Variants in RIT2 observed in about 807,000 individuals in gnomAD.
RIT2 encodes the protein Ras like without CAAX 2.
RIT2 carries 24 observed loss-of-function variants against 23.7 expected under a neutral mutation model. The ratio of observed to expected loss-of-function variants is 1.01; its 90% CI spans 0.73 to 1.43. RIT2 has a LOEUF of 1.43. Ranked by LOEUF, RIT2 falls within the 40% of genes most tolerant of loss-of-function variation. The pLI, the probability that RIT2 is intolerant of heterozygous loss-of-function variation, is 0.00. For missense variants in RIT2, 236 were observed against 266.9 expected (o/e 0.88, Z 0.81); for synonymous variants, 107 against 91.1 (o/e 1.17, Z -0.99).
intron 1 of RIT2, among the ~76,000 whole-genome samples, chr18:43,101,334 C>G (rs8096041): frequency 0.049 from 7,451 of 152,046 alleles, 224 homozygotes; most frequent in South Asian, 0.13. Flanking sequence ...CCTATCTCTT[C>G]GTTAGCAGTG....
intron 2 of RIT2, among the ~76,000 whole-genome samples, chr18:42,997,084 A>T (rs1911001893): frequency 6.6e-6 from 1 of 152,100 alleles, no homozygotes. Context: ...TGTTTCAGAG[A>T]TATGCACCAG....
intron 4 of RIT2, among the ~76,000 whole-genome samples, chr18:42,834,922 T>C (rs1906555960): frequency 6.6e-6 from 1 of 152,116 alleles, no homozygotes; most frequent in African/African-American, 2.4e-5. Flanking sequence ...GACATGATTG[T>C]TAAACAATGC....
At position 43,018,071 on chromosome 18, in the gene RIT2, C is replaced by A. The variant is rs201502588; in HGVS notation, c.160+15740G>T. Among the ~76,000 whole-genome samples, 7 of 151,998 alleles carry A rather than the reference C, an allele frequency of 4.6e-5. No homozygotes were observed. The East Asian group carries it at 9.7e-4, about 21-fold the overall frequency. On this transcript the variant is annotated intron_variant, in intron 2 of 4. Coordinates refer to ENST00000326695, the MANE Select transcript of RIT2 (RefSeq NM_002930.4). The stretch of plus-strand genomic sequence containing the variant: ...ACATAAAGAGTTAGTAAGGGGGTGC[C>A]CTAGTAAGTTGGGCTCAAGGTCAAA...
At chr18:42,846,688 AAAC>A (rs753966452) in intron 4 of RIT2, among the ~76,000 whole-genome samples, 48 of 152,148 alleles carry the variant, frequency 3.2e-4, no homozygotes, top group Non-Finnish European at 6.6e-4. Flanking sequence ...AAGAAAAAGT[AAAC>A]AATTATATCA....
chr18:43,047,697 T>C (rs1227353375), intron 1 of RIT2, among the ~76,000 whole-genome samples: 2 of 152,098 alleles, frequency 1.3e-5, no homozygotes, highest in African/African-American at 2.4e-5. Context: ...GAAGTTTCTT[T>C]GAAAAGGTTT....
At chr18:42,747,148 A>G (rs1016989313) in intron 4 of RIT2, among the ~76,000 whole-genome samples, 1 of 152,058 alleles carries the variant, frequency 6.6e-6, no homozygotes, top group Middle Eastern at 3.2e-3. Flanking sequence ...TATACCTAGA[A>G]AACCCTAAAG....
chr18:43,089,336 A>G (rs192435338), intron 1 of RIT2, among the ~76,000 whole-genome samples: 2 of 152,222 alleles, frequency 1.3e-5, no homozygotes, highest in African/African-American at 4.8e-5. Context: ...TTGCCATAAA[A>G]AAGAATAAAA....
intron 1 of RIT2, among the ~76,000 whole-genome samples, chr18:43,108,661 G>A (rs1317785224): frequency 6.6e-6 from 1 of 152,150 alleles, no homozygotes; most frequent in African/African-American, 2.4e-5. Context: ...TATAATCTTG[G>A]AGATGTTGTC....
chr18:42,895,897 TG>T (rs1297681468), intron 4 of RIT2, among the ~76,000 whole-genome samples: 2 of 152,186 alleles, frequency 1.3e-5, no homozygotes, highest in Admixed American at 1.3e-4. Context: ...CTGATAACAG[TG>T]GTTTTCTCTG....
chr18:42,835,208 T>G (rs1598674592), intron 4 of RIT2, among the ~76,000 whole-genome samples: 1 of 152,296 alleles, frequency 6.6e-6, no homozygotes, highest in East Asian at 1.9e-4. Flanking sequence ...TCAGGATTTT[T>G]GCTAAATGTG....
At chr18:42,915,621 G>A (rs977291354) in intron 4 of RIT2, among the ~76,000 whole-genome samples, 5 of 151,976 alleles carry the variant, frequency 3.3e-5, no homozygotes, top group Admixed American at 2.0e-4. Flanking sequence ...CAGTTACAAT[G>A]TCAGTTCAAT....
At chr18:42,890,853 A>T (rs974066668) in intron 4 of RIT2, among the ~76,000 whole-genome samples, 17 of 152,148 alleles carry the variant, frequency 1.1e-4, no homozygotes, top group Non-Finnish European at 2.1e-4. Context: ...ACACAGAGCT[A>T]TATTAGGGAA....
chr18:42,923,716 G>A lies in RIT2; in HGVS notation c.282C>T (p.Gly94=). 1.2e-6 allele frequency: 2 copies of A among 1,612,224 alleles called. No individual in the cohort carries two copies. The highest frequency in any genetic ancestry group is 1.3e-5 in the African/African-American group (1 of 74,388). Residue 94 remains glycine (G), a synonymous_variant, in exon 4 of 5, where the codon GGC becomes GGT. Coordinates refer to ENST00000326695, the MANE Select transcript of RIT2 (RefSeq NM_002930.4). The part of the protein sequence containing the change: ...MREQYMRGGE[G]FIICYSVTDR... ...CAGTGACGGAGTAGCAGATGATGAA[G>A]CCTTCCCCACCTCGCATGTACTGCT...
At chr18:43,014,619 A>C (rs1568056142) in intron 2 of RIT2, among the ~76,000 whole-genome samples, 1 of 149,352 alleles carries the variant, frequency 6.7e-6, no homozygotes, top group Non-Finnish European at 1.5e-5. Context: ...AAATATAATA[A>C]ATAAATACAT....
At chr18:42,891,649 G>C (rs1051343752) in intron 4 of RIT2, among the ~76,000 whole-genome samples, 1 of 152,100 alleles carries the variant, frequency 6.6e-6, no homozygotes, top group Non-Finnish European at 1.5e-5. Context: ...ATCTGAAAAG[G>C]CTACATGCTG....
At chr18:42,997,971 T>C (rs977680281) in intron 2 of RIT2, among the ~76,000 whole-genome samples, 2 of 152,168 alleles carry the variant, frequency 1.3e-5, no homozygotes, top group Non-Finnish European at 2.9e-5. Flanking sequence ...ATGGAAACTT[T>C]AGATTGTAAC....
At chr18:42,970,529 A>G (rs1246940464) in intron 3 of RIT2, among the ~76,000 whole-genome samples, 1 of 152,036 alleles carries the variant, frequency 6.6e-6, no homozygotes, top group Non-Finnish European at 1.5e-5. Flanking sequence ...GGAAATGCAG[A>G]AAACCTCAAA....
At chr18:42,940,490 C>G (rs895352372) in intron 3 of RIT2, among the ~76,000 whole-genome samples, 2 of 151,360 alleles carry the variant, frequency 1.3e-5, no homozygotes, top group Non-Finnish European at 2.9e-5. Flanking sequence ...ACTTGTTGGC[C>G]TATCACACCG....
intron 4 of RIT2, among the ~76,000 whole-genome samples, chr18:42,786,459 T>C (rs1913924119): frequency 6.6e-6 from 1 of 152,204 alleles, no homozygotes; most frequent in Non-Finnish European, 1.5e-5. Context: ...TTGTTTTTGA[T>C]AGAAATTAAA....
Sources: allele counts gnomAD v4.1 joint callset (sites outside exome capture counted in the v4.1 genomes callset), GRCh38; gene constraint gnomAD v4.1.1; transcripts MANE v1.5; gene names NCBI Gene and HGNC (gene_info 2026-07-23, HGNC 2026-07-21).